The following ZNF679 variants were observed in gnomAD, a reference collection of about 807,000 sequenced individuals.
ZNF679 encodes the protein hypothetical protein MGC42415.
In ZNF679, 10 loss-of-function variants were observed where a neutral mutation model predicts 13.4. The ratio of observed to expected loss-of-function variants is 0.75; its 90% CI spans 0.46 to 1.27. The LOEUF (loss-of-function observed/expected upper bound fraction) is 1.27, where lower values mean the gene tolerates loss of function less well. Among genes scored for constraint, ZNF679 ranks in the 50% most tolerant of loss-of-function variants. The pLI is 0.00. For synonymous variants in ZNF679, 179 were observed against 162.5 expected (o/e 1.10, Z -0.77); for missense variants, 525 against 477.8 (o/e 1.10, Z -0.92).
intron 1 of ZNF679, among the ~76,000 whole-genome samples, chr7:64,231,154 C>A (rs1024018082): frequency 2.0e-5 from 3 of 152,184 alleles, no homozygotes; most frequent in Non-Finnish European, 4.4e-5. Flanking sequence ...GACCTTACTA[C>A]AAGTAAAAGA....
At chr7:64,253,236 A>G (rs1787964859) in intron 2 of ZNF679, among the ~76,000 whole-genome samples, 1 of 152,216 alleles carries the variant, frequency 6.6e-6, no homozygotes, top group African/African-American at 2.4e-5. Flanking sequence ...ACTGTGTTTC[A>G]GTAATTTTTC....
In ZNF679 at chr7:64,266,514, A is replaced by T; in HGVS notation, c.881A>T (p.Lys294Ile). 1.9e-6 allele frequency: 3 copies of T among 1,613,612 alleles called. No individual in the cohort carries two copies. The highest frequency in any genetic ancestry group is 2.5e-6 in the Non-Finnish European group (3 of 1,179,790). ...ANHKRIHTGE[K>I]PYTCEECGKA... is the part of the protein sequence containing the mutation. ...CACAAGAGAATTCATACTGGAGAGA[A>T]ACCATACACATGTGAAGAATGTGGC... The change falls in exon 5 of 5, where the codon AAA (lysine) becomes ATA (isoleucine). Residue 294 changes from lysine (K) to isoleucine (I), a missense_variant. Transcript: ENST00000421025.
At chr7:64,238,868 A>G (rs1162840416) in intron 1 of ZNF679, among the ~76,000 whole-genome samples, 2 of 152,156 alleles carry the variant, frequency 1.3e-5, no homozygotes, top group Admixed American at 6.5e-5. Flanking sequence ...ATGGTGACAT[A>G]TACTTTGACC....
At chr7:64,256,461 T>G (rs1297639238) in intron 2 of ZNF679, among the ~76,000 whole-genome samples, 1 of 152,184 alleles carries the variant, frequency 6.6e-6, no homozygotes, top group Non-Finnish European at 1.5e-5. Flanking sequence ...CAAATGGTAA[T>G]TCTATTTTCA....
rs199794143 is a variant in ZNF679, at chr7:64,229,521, G to GTGTC, written c.-91+871_-91+874dup. ...AGATTTATAACCTCACCAGTGGGCT[G>GTGTC]TGTCTAGGTTTAAGAGTGATAATCC... On this transcript the variant is annotated intron_variant, in intron 1 of 4. Coordinates refer to ENST00000421025, the MANE Select transcript of ZNF679 (RefSeq NM_153363.3). Among the ~76,000 whole-genome samples the GTGTC allele has an allele frequency of 1.9e-3, 286 of 152,270 alleles. 2 individuals carry two copies. Among genetic ancestry groups the GTGTC allele is most frequent in the East Asian group, 0.017 (87 of 5,180 alleles).
At chr7:64,236,776 CGAAAG>C (rs1386085258) in intron 1 of ZNF679, among the ~76,000 whole-genome samples, 2 of 121,922 alleles carry the variant, frequency 1.6e-5, no homozygotes, top group African/African-American at 3.2e-5. Flanking sequence ...GAGTGAAACT[CGAAAG>C]GAAAGGAAAG....
intron 1 of ZNF679, among the ~76,000 whole-genome samples, chr7:64,242,476 G>A: frequency 6.6e-6 from 1 of 152,104 alleles, no homozygotes. Context: ...CCAATCTTTA[G>A]GTCCAGGTAA....
Position 64,260,212 on chromosome 7 carries a change from G to A in ZNF679, c.40-9G>A, listed in dbSNP as rs368810819. On this transcript the variant is annotated splice_polypyrimidine_tract_variant and intron_variant, in intron 2 of 4. Transcript: ENST00000421025. The stretch of plus-strand genomic sequence containing the variant: ...TGAGTGTTTTTTTGTTGTTGTTATT[G>A]TTTTTCAGGGACTGTTGACATTCAG... 4.1e-5 allele frequency: 65 copies of A among 1,591,432 alleles called. No homozygotes were observed. In the African/African-American group the frequency reaches 8.0e-4, roughly 20 times the overall value.
chr7:64,263,328 T>G (rs542145925), intron 4 of ZNF679, among the ~76,000 whole-genome samples: 4 of 152,202 alleles, frequency 2.6e-5, no homozygotes, highest in South Asian at 2.1e-4. Context: ...TTGCCCGAAG[T>G]GATCCTTCCA....
At chr7:64,261,992 G>C (rs1343259474) in intron 4 of ZNF679, among the ~76,000 whole-genome samples, 3 of 151,858 alleles carry the variant, frequency 2.0e-5, no homozygotes, top group Admixed American at 6.6e-5. Flanking sequence ...GAGTAACTGG[G>C]ATTATAGGAA....
At chr7:64,242,750 G>A (rs569986684) in intron 1 of ZNF679, among the ~76,000 whole-genome samples, 3 of 147,886 alleles carry the variant, frequency 2.0e-5, no homozygotes, top group Non-Finnish European at 4.5e-5. Flanking sequence ...ATATGCATGT[G>A]TGTGGTAATC....
At chr7:64,261,860 CTTT>C (rs57119054) in intron 4 of ZNF679, among the ~76,000 whole-genome samples, 3 of 137,376 alleles carry the variant, frequency 2.2e-5, no homozygotes, top group Non-Finnish European at 3.1e-5. Context: ...TTCTTTCTTT[CTTT>C]TTTTTTTTTT....
At chr7:64,262,417 T>C (rs1029670899) in intron 4 of ZNF679, among the ~76,000 whole-genome samples, 5 of 152,238 alleles carry the variant, frequency 3.3e-5, no homozygotes, top group Non-Finnish European at 7.3e-5. Context: ...ACCAATGTCA[T>C]GTCTTTCCAC....
In ZNF679 at chr7:64,266,160, C is replaced by T. The variant is rs375602152; in HGVS notation, c.527C>T (p.Thr176Ile). ...GKFSNSNRHKTRHTGKKHFKC... is the reference protein window; with the variant it reads ...GKFSNSNRHKIRHTGKKHFKC... Reference sequence around the variant, plus strand: ...TTTTCAAATTCCAATAGACATAAGACAAGACATACTGGAAAGAAACATTTC... The same window carrying T: ...TTTTCAAATTCCAATAGACATAAGATAAGACATACTGGAAAGAAACATTTC... Residue 176 changes from threonine to isoleucine, a missense_variant, in exon 5 of 5, where the codon ACA (threonine) becomes ATA (isoleucine). Physicochemically the swap from Thr to Ile is moderately conservative, Grantham distance 89. Coordinates refer to ENST00000421025, the MANE Select transcript of ZNF679 (RefSeq NM_153363.3). 58 of 1,602,182 alleles carry T rather than the reference C, an allele frequency of 3.6e-5. 1 individual carries two copies. In the South Asian group the frequency reaches 4.2e-4, roughly 12 times the overall value.
intron 1 of ZNF679, among the ~76,000 whole-genome samples, chr7:64,231,753 G>A (rs1787642782): frequency 6.6e-6 from 1 of 152,112 alleles, no homozygotes; most frequent in African/African-American, 2.4e-5. Context: ...GCCCAGGCAG[G>A]AGCATCACAT....
At chr7:64,229,842 C>T (rs1787612559) in intron 1 of ZNF679, among the ~76,000 whole-genome samples, 1 of 152,042 alleles carries the variant, frequency 6.6e-6, no homozygotes. Context: ...GTCATATCAT[C>T]TGAATTCAGG....
chr7:64,236,583 G>A (rs1787715592), intron 1 of ZNF679, among the ~76,000 whole-genome samples: 2 of 152,018 alleles, frequency 1.3e-5, no homozygotes, highest in South Asian at 2.1e-4. Context: ...TCAGGAGTTT[G>A]AGACCAGCCT....
rs191710632 is a variant in ZNF679 at position 64,256,781 on chromosome 7, T to A, written c.40-3440T>A. On this transcript the variant is annotated intron_variant, in intron 2 of 4. Transcript: ENST00000421025. Reference sequence around the variant, plus strand: ...GGCATGATCTCAGCTCACTGCAAACTCCGCCTTCTGGTTTCAAGCAATTCT... The same window carrying A: ...GGCATGATCTCAGCTCACTGCAAACACCGCCTTCTGGTTTCAAGCAATTCT... 5.4e-5 allele frequency among the ~76,000 whole-genome samples: 8 copies of A among 148,410 alleles called. No individual in the cohort carries two copies. The East Asian group carries it at 1.7e-3, about 31-fold the overall frequency.
chr7:64,236,453 GAA>G (rs36066976), intron 1 of ZNF679, among the ~76,000 whole-genome samples: 1 of 145,110 alleles, frequency 6.9e-6, no homozygotes, highest in African/African-American at 2.5e-5. Context: ...TTTGTGGGGG[GAA>G]AAAAAAAAGG....
Sources: allele counts gnomAD v4.1 joint callset (sites outside exome capture counted in the v4.1 genomes callset), GRCh38; gene constraint gnomAD v4.1.1; transcripts MANE v1.5; gene names NCBI Gene and HGNC (gene_info 2026-07-23, HGNC 2026-07-21).